Variants in MIP observed in about 807,000 individuals in gnomAD.
The protein encoded by MIP is major intrinsic protein of lens fiber, also known as lens fiber major intrinsic protein.
Under a neutral mutation model 21.8 loss-of-function variants are expected in MIP, and 14 were observed. The observed-to-expected ratio is 0.64, with a 90% confidence interval of 0.42 to 1.00. The LOEUF (loss-of-function observed/expected upper bound fraction) is 1.00, where lower values mean the gene tolerates loss of function less well. Among genes scored for constraint, MIP ranks in the 50% least tolerant of loss-of-function variants. MIP has a pLI of 0.00. For missense variants in MIP, 260 were observed against 333.5 expected, an observed-to-expected ratio of 0.78 and a Z score of 1.72; for synonymous variants, 133 against 141.4, an observed-to-expected ratio of 0.94 and a Z score of 0.42.
Position 56,453,163 on chromosome 12 carries a change from G to A in MIP, c.526-11C>T, listed in dbSNP as rs1868673602. The A allele has an allele frequency of 1.9e-6, 3 of 1,600,328 alleles. No homozygotes were observed. Among genetic ancestry groups the A allele is most frequent in the Non-Finnish European group, 1.7e-6 (2 of 1,167,564 alleles). ...ACCAGTATAATACATCTGCAAAAGAGACAGTTGTAACTGAGACACCCCCCT... is the reference window on the plus strand; with the variant it reads ...ACCAGTATAATACATCTGCAAAAGAAACAGTTGTAACTGAGACACCCCCCT... On this transcript the variant is annotated splice_polypyrimidine_tract_variant and intron_variant, in intron 2 of 3. Coordinates refer to ENST00000652304, the MANE Select transcript of MIP (RefSeq NM_012064.4).
At position 56,453,745 on chromosome 12, in the gene MIP, G is replaced by T. The variant is rs753492682; in HGVS notation, c.371C>A (p.Ala124Glu). Residue 124 changes from alanine to glutamate, a missense_variant, in exon 2 of 4, where the codon GCG becomes GAG. Ala to Glu is a moderately radical substitution (Grantham distance 107). Coordinates refer to ENST00000652304, the MANE Select transcript of MIP (RefSeq NM_012064.4). ...GNLALNTLHP[A>E]VSVGQATTVE... ...TGTGGTTGCCTGGCCCACGCTCACC[G>T]CAGGGTGCAACTGTGCAAAGGAAGA... is the stretch of plus-strand genomic sequence containing the variant. 6.8e-6 allele frequency: 11 copies of T among 1,613,426 alleles called. No individual in the cohort carries two copies. Among genetic ancestry groups the T allele is most frequent in the Admixed American group, 1.7e-5 (1 of 59,922 alleles).
rs752820201 is a variant in MIP, at chr12:56,453,125, G to A, written c.553C>T (p.Pro185Ser). The change falls in exon 3 of 4, where the codon CCT becomes TCT. Residue 185 changes from proline to serine, a missense_variant. By Grantham distance (74) the Pro-to-Ser change is moderately conservative. Coordinates refer to ENST00000652304, the MANE Select transcript of MIP (RefSeq NM_012064.4). ...GMYYTGAGMN[P>S]ARSFAPAILT... is the part of the protein sequence containing the mutation. Reference sequence around the variant, plus strand: ...ATGGCAGGAGCAAAGGAGCGGGCAGGATTCATGCCTGCACCAGTATAATAC... The same window carrying A: ...ATGGCAGGAGCAAAGGAGCGGGCAGAATTCATGCCTGCACCAGTATAATAC... The A allele has an allele frequency of 1.2e-6, 2 of 1,613,634 alleles. No individual in the cohort carries two copies. The highest frequency in any genetic ancestry group is 3.3e-4 in the Middle Eastern group (2 of 6,062).
At chr12:56,455,674 G>A (rs145587269), upstream of MIP, among the ~76,000 whole-genome samples, 1 of 152,304 alleles carries the variant, frequency 6.6e-6, no homozygotes, top group African/African-American at 2.4e-5. Flanking sequence ...AAGAGGTTCA[G>A]TTGTGCTCGG....
upstream of MIP, among the ~76,000 whole-genome samples, chr12:56,455,401 A>C (rs1481335239): frequency 6.6e-6 from 1 of 152,140 alleles, no homozygotes; most frequent in Non-Finnish European, 1.5e-5. Flanking sequence ...TAGGAATAAG[A>C]AAGGGACTCG....
rs1216240733 is a variant in MIP, at chr12:56,454,480, G to C, written c.134C>G (p.Ala45Gly). Residue 45 changes from alanine to glycine, a missense_variant, in exon 1 of 4, where the codon GCT (alanine) becomes GGT (glycine). Transcript: ENST00000652304. The stretch of plus-strand genomic sequence containing the variant: ...AGCCAGGGCCAAGCCAAATGCCATA[G>C]CCACCTGCAGAACATGCAGGGGTCC... The part of the protein sequence containing the change: ...APGPLHVLQV[A>G]MAFGLALATL... The C allele has an allele frequency of 6.2e-7, 1 of 1,613,090 alleles. No individual in the cohort carries two copies. The highest frequency in any genetic ancestry group is 8.5e-7 in the Non-Finnish European group (1 of 1,179,230).
chr12:56,453,816 A>T, intron 1 of MIP, 61 bp from the exon 2 acceptor site: 1 of 1,539,340 alleles, frequency 6.5e-7, no homozygotes, highest in Non-Finnish European at 8.9e-7. Flanking sequence ...TACCTCCTCA[A>T]GACTTCCCCG....
chr12:56,456,150 AACCCTCAGTG>A (rs1460850695), upstream of MIP, among the ~76,000 whole-genome samples: 1 of 152,150 alleles, frequency 6.6e-6, no homozygotes, highest in Admixed American at 6.6e-5. Flanking sequence ...AAGGCCCTGT[AACCCTCAGTG>A]CATCTCACCC....
Position 56,453,588 on chromosome 12 carries a change from T to A in MIP, c.525+3A>T. ...ATGAGAAGTTGCTCTCCTTCCTGCTTACCCCAAAGAGGTGCCCCAGGGCAA... is the reference window on the plus strand; with the variant it reads ...ATGAGAAGTTGCTCTCCTTCCTGCTAACCCCAAAGAGGTGCCCCAGGGCAA... On this transcript the variant is annotated splice_donor_region_variant and intron_variant, in intron 2 of 3. Transcript: ENST00000652304. 1.2e-6 allele frequency: 2 copies of A among 1,614,248 alleles called. No homozygotes were observed. Among genetic ancestry groups the A allele is most frequent in the South Asian group, 2.2e-5 (2 of 91,092 alleles).
In MIP at chr12:56,451,298, C is replaced by G. The variant is rs757588974; in HGVS notation, c.774G>C (p.Leu258=). The stretch of plus-strand genomic sequence containing the variant: ...GGAGCTTCTACAGGGCCTGGGTGTT[C>G]AGTTCAACAGGTTCCCCTGTGACCT... ...QPEVTGEPVE[L]NTQAL The change falls in exon 4 of 4, where the codon CTG becomes CTC. Residue 258 remains leucine, a synonymous_variant. Transcript: ENST00000652304. The G allele has an allele frequency of 1.9e-6, 3 of 1,613,710 alleles. No homozygotes were observed. The highest frequency in any genetic ancestry group is 2.5e-6 in the Non-Finnish European group (3 of 1,180,026).
At chr12:56,454,693 A>G, upstream of MIP, 2 of 1,585,424 alleles carry the variant, frequency 1.3e-6, no homozygotes, top group East Asian at 2.2e-5. Flanking sequence ...TTTATAGAGG[A>G]CTCTTAATCC....
At chr12:56,455,336 C>T (rs1283006180), upstream of MIP, among the ~76,000 whole-genome samples, 6 of 151,908 alleles carry the variant, frequency 3.9e-5, no homozygotes, top group South Asian at 2.1e-4. Flanking sequence ...CTACAGGGAC[C>T]GACAGAGAGA....
chr12:56,452,883 G>C (rs1439585220), intron 3 of MIP, 189 bp downstream of exon 3: 1 of 639,788 alleles, frequency 1.6e-6, no homozygotes. Flanking sequence ...ATATGAGCAA[G>C]AGCCTCTCCT....
Position 56,454,493 on chromosome 12 carries a change from C to G in MIP, c.121G>C (p.Val41Leu). The G allele has an allele frequency of 6.2e-7, 1 of 1,612,698 alleles. No individual in the cohort carries two copies. The highest frequency in any genetic ancestry group is 8.5e-7 in the Non-Finnish European group (1 of 1,179,020). ...CCAAATGCCATAGCCACCTGCAGAA[C>G]ATGCAGGGGTCCAGGAGCCCAGCGC... is the stretch of plus-strand genomic sequence containing the variant. ...SLRWAPGPLH[V>L]LQVAMAFGLA... Residue 41 changes from valine to leucine, a missense_variant, in exon 1 of 4, where the codon GTT (valine) becomes CTT (leucine). Val to Leu is a conservative substitution (Grantham distance 32). Transcript: ENST00000652304.
At chr12:56,453,853 C>A in intron 1 of MIP, 98 bp from the exon 2 acceptor site, 1 of 1,243,842 alleles carries the variant, frequency 8.0e-7, no homozygotes, top group South Asian at 1.3e-5. Context: ...GGCATCAGGT[C>A]CGTGGAGAGG....
At chr12:56,453,003 C>G in intron 3 of MIP, 69 bp downstream of exon 3, 1 of 1,070,396 alleles carries the variant, frequency 9.3e-7, no homozygotes. Context: ...AGCAGGAATC[C>G]AGCCTGGAAC....
upstream of MIP, among the ~76,000 whole-genome samples, chr12:56,456,374 C>T (rs535087521): frequency 3.5e-4 from 53 of 152,260 alleles, 1 homozygote; most frequent in East Asian, 3.1e-3. Context: ...CGGTGGCTCA[C>T]GCCTGTAATC....
At chr12:56,454,658 G>A (rs764454940), upstream of MIP, 1 of 1,611,882 alleles carries the variant, frequency 6.2e-7, no homozygotes, top group Non-Finnish European at 8.5e-7. Context: ...CTACCCCCAT[G>A]GCCTTGTCTG....
At chr12:56,453,521 C>T in intron 2 of MIP, 70 bp downstream of exon 2, 1 of 1,550,090 alleles carries the variant, frequency 6.5e-7, no homozygotes, top group Middle Eastern at 1.7e-4. Context: ...CAGGAAGAAC[C>T]CTTAAAAGTT....
At chr12:56,451,933 T>A (rs1332379771) in intron 3 of MIP, among the ~76,000 whole-genome samples, 1 of 152,062 alleles carries the variant, frequency 6.6e-6, no homozygotes, top group Admixed American at 6.6e-5. Context: ...TCCCAGCTAC[T>A]CAGGAGGCTG....
Sources: gnomAD v4.1 joint callset for allele counts (sites outside exome capture counted in the v4.1 genomes callset) on GRCh38, gnomAD v4.1.1 for gene constraint, MANE v1.5 for transcripts, NCBI Gene and HGNC (gene_info 2026-07-23, HGNC 2026-07-21) for gene names.